ADCY7: variants seen among roughly 807,000 people sequenced by gnomAD.
ADCY7 encodes adenylate cyclase type 7.
ADCY7 carries 72 observed loss-of-function variants against 120.6 expected under a neutral mutation model. The observed-to-expected ratio is 0.60, with a 90% CI of 0.49 to 0.73. The LOEUF (loss-of-function observed/expected upper bound fraction) is 0.73. Among genes scored for constraint, ADCY7 ranks in the 30% least tolerant of loss-of-function variants. ADCY7 has a pLI of 0.00. For synonymous variants in ADCY7, 661 were observed against 628.0 expected, an observed-to-expected ratio of 1.05 and a Z score of -0.78; for missense variants, 1,227 against 1,486.0, an observed-to-expected ratio of 0.83 and a Z score of 2.87.
intron 9 of ADCY7, 60 bp downstream of exon 9, chr16:50,300,933 T>G (rs1596949221): frequency 6.5e-7 from 1 of 1,537,768 alleles, no homozygotes; most frequent in Non-Finnish European, 8.8e-7. Flanking sequence ...GGATGGAGGG[T>G]TCTGCGGTTG....
intron 1 of ADCY7, among the ~76,000 whole-genome samples, chr16:50,286,060 G>A (rs550537579): frequency 1.1e-4 from 17 of 152,150 alleles, no homozygotes; most frequent in African/African-American, 3.9e-4. Flanking sequence ...TGTGAAGCAC[G>A]GCTTGCAGAC....
At chr16:50,256,015 C>T (rs1469049035) in intron 1 of ADCY7, among the ~76,000 whole-genome samples, 1 of 53,504 alleles carries the variant, frequency 1.9e-5, no homozygotes, top group African/African-American at 7.0e-5. Flanking sequence ...TGATACTGGT[C>T]TGGGCAATTA....
At chr16:50,250,979 A>G (rs965173180) in intron 1 of ADCY7, among the ~76,000 whole-genome samples, 1 of 152,160 alleles carries the variant, frequency 6.6e-6, no homozygotes, top group Non-Finnish European at 1.5e-5. Context: ...TTACACCTGT[A>G]ATCCCAGCAC....
intron 15 of ADCY7, 136 bp downstream of exon 15, chr16:50,307,283 TG>T: frequency 2.7e-6 from 2 of 728,224 alleles, no homozygotes; most frequent in South Asian, 3.5e-5. Flanking sequence ...GACCAGGGGC[TG>T]TGGCAGCACA....
rs2035664496 is a variant in ADCY7 at position 50,300,809 on chromosome 16, C to T, written c.1171C>T (p.Gln391Ter). The T allele has an allele frequency of 6.4e-7, 1 of 1,556,318 alleles. No individual in the cohort carries two copies. The highest frequency in any genetic ancestry group is 8.7e-7 in the Non-Finnish European group (1 of 1,149,696). Reference protein sequence around the residue: ...LCGVIGLRKWQYDVWSHDVSL... With the variant: ...LCGVIGLRKW ...CGGGGTCATCGGGCTGCGCAAGTGG[C>T]AGTATGACGTGTGGTCCCACGACGT... Residue 391 changes from glutamine (Q) to a stop codon, truncating the protein, a stop_gained, in exon 9 of 26, where the codon CAG becomes TAG. Coordinates refer to ENST00000673801, the MANE Select transcript of ADCY7 (RefSeq NM_001114.5). LOFTEE classifies it high-confidence loss of function.
intron 1 of ADCY7, among the ~76,000 whole-genome samples, chr16:50,268,294 G>T (rs1007469031): frequency 6.6e-6 from 1 of 152,004 alleles, no homozygotes; most frequent in Non-Finnish European, 1.5e-5. Context: ...AAGTAAAGAC[G>T]GGGTTTCACC....
intron 22 of ADCY7, 167 bp downstream of exon 22, chr16:50,313,203 G>A (rs902590641): frequency 1.2e-6 from 1 of 854,382 alleles, no homozygotes; most frequent in Admixed American, 3.0e-5. Flanking sequence ...GATCACTTGA[G>A]GCTAGGAGTT....
chr16:50,310,457 C>G (rs1458303529), intron 18 of ADCY7: 1 of 1,536,186 alleles, frequency 6.5e-7, no homozygotes, highest in Admixed American at 2.0e-5. Context: ...TCCACAGCAC[C>G]TGCATACTGT....
In ADCY7 at chr16:50,261,047, C is replaced by A. The variant is rs543299486; in HGVS notation, c.-64+14844C>A. 2.0e-5 allele frequency among the ~76,000 whole-genome samples: 3 copies of A among 152,310 alleles called. No homozygotes were observed. The East Asian group carries it at 5.8e-4, about 29-fold the overall frequency. On this transcript the variant is annotated intron_variant, in intron 1 of 4. Transcript: ENST00000564044. Reference sequence around the variant, plus strand: ...GTGGCTCGTAGCTCACACCTACTGCCAAGTGAATGAGAACACTTTCCCACA... The same window carrying A: ...GTGGCTCGTAGCTCACACCTACTGCAAAGTGAATGAGAACACTTTCCCACA...
At chr16:50,282,999 G>C (rs955484638) in intron 1 of ADCY7, among the ~76,000 whole-genome samples, 3 of 152,150 alleles carry the variant, frequency 2.0e-5, no homozygotes, top group Non-Finnish European at 4.4e-5. Flanking sequence ...GTGATGGAGG[G>C]ATGAGCGGGG....
intron 21 of ADCY7, 116 bp from the exon 22 acceptor site, chr16:50,312,774 A>G: frequency 5.2e-6 from 3 of 581,910 alleles, no homozygotes; most frequent in Non-Finnish European, 8.0e-6. Context: ...CCCCCTCCCC[A>G]CTCCCCGAAA....
In ADCY7 at chr16:50,288,135, G is replaced by A; in HGVS notation, c.-45G>A. 1 of 1,507,816 alleles carries A rather than the reference G, an allele frequency of 6.6e-7. No homozygotes were observed. The highest frequency in any genetic ancestry group is 8.9e-7 in the Non-Finnish European group (1 of 1,123,268). 93.4% of individuals were successfully genotyped at this position (1,507,816 alleles called of 1,614,324 possible). A position where few individuals can be genotyped will look rare whatever the true frequency, so the allele number is the denominator to read the frequency against. ...AGACAGATGCCCTCCAGGCCCTGGG[G>A]CCTCCTTAACGGCCCCTTAACGACA... On this transcript the variant is annotated 5_prime_UTR_variant, in exon 2 of 26. Coordinates refer to ENST00000673801, the MANE Select transcript of ADCY7 (RefSeq NM_001114.5).
chr16:50,283,532 T>C (rs2034404195), intron 1 of ADCY7, among the ~76,000 whole-genome samples: 1 of 152,254 alleles, frequency 6.6e-6, no homozygotes, highest in Non-Finnish European at 1.5e-5. Flanking sequence ...ACTGGGGTCA[T>C]GTGGCCCATG....
chr16:50,263,987 G>A (rs2033125614), upstream of ADCY7, among the ~76,000 whole-genome samples: 2 of 152,196 alleles, frequency 1.3e-5, no homozygotes, highest in Middle Eastern at 3.4e-3. Context: ...AAAAATGGAC[G>A]GGTAATTTAC....
Position 50,304,938 on chromosome 16 carries a change from G to A in ADCY7, c.1574G>A (p.Arg525His), listed in dbSNP as rs536468800. The change falls in exon 12 of 26, where the codon CGC becomes CAC. Residue 525 changes from arginine to histidine, a missense_variant. Arg to His is a conservative substitution (Grantham distance 29). Coordinates refer to ENST00000673801, the MANE Select transcript of ADCY7 (RefSeq NM_001114.5). ...CTTCCCTTTCAGAGCGTTCCCCAGC[G>A]CCACCGCCGGACCCCAGACAGGTGC... Reference protein sequence around the residue: ...NGRRPKSVPQRHRRTPDRSMS... With the variant: ...NGRRPKSVPQHHRRTPDRSMS... 4.0e-5 allele frequency: 65 copies of A among 1,613,476 alleles called. No homozygotes were observed. The highest frequency in any genetic ancestry group is 3.3e-4 in the South Asian group (30 of 91,082).
rs2036755652 is a variant in ADCY7, at chr16:50,315,414, G to A, written c.3152G>A (p.Arg1051His). Residue 1051 changes from arginine (R) to histidine (H), a missense_variant, in exon 26 of 26, where the codon CGT becomes CAT. This residue lies in a region of ADCY7 where 244 missense variants were observed against 332.8 expected (regional missense o/e 0.73). Transcript: ENST00000673801. Reference sequence around the variant, plus strand: ...GGCCTCGGGTACTCTTGTGAATGCCGTGGCCTGATCAACGTCAAAGGCAAA... The same window carrying A: ...GGCCTCGGGTACTCTTGTGAATGCCATGGCCTGATCAACGTCAAAGGCAAA... ...LQGLGYSCEC[R>H]GLINVKGKGE... The A allele has an allele frequency of 6.2e-7, 1 of 1,614,140 alleles. No individual in the cohort carries two copies. The highest frequency in any genetic ancestry group is 8.5e-7 in the Non-Finnish European group (1 of 1,179,990).
At chr16:50,254,831 CAAAAG>C (rs1448376207) in intron 1 of ADCY7, among the ~76,000 whole-genome samples, 1 of 46,442 alleles carries the variant, frequency 2.2e-5, no homozygotes. Context: ...CCTGCCAAAA[CAAAAG>C]AAAAAACAAT....
chr16:50,261,855 C>T (rs537899269), upstream of ADCY7, among the ~76,000 whole-genome samples: 29 of 152,324 alleles, frequency 1.9e-4, no homozygotes, highest in Middle Eastern at 0.01. Flanking sequence ...TGCTCAGACC[C>T]TCCCAGGGCT....
chr16:50,311,825 C>A, intron 20 of ADCY7, 39 bp downstream of exon 20: 1 of 1,385,284 alleles, frequency 7.2e-7, no homozygotes, highest in Non-Finnish European at 1.0e-6. Context: ...CAAGCTCTGC[C>A]CACTTTTCCT....
Sources: gnomAD v4.1 joint callset for allele counts (sites outside exome capture counted in the v4.1 genomes callset) on GRCh38, gnomAD v4.1.1 for gene constraint, gnomAD v4.1.1 regional missense constraint, MANE v1.5 for transcripts, NCBI Gene and HGNC (gene_info 2026-07-23, HGNC 2026-07-21) for gene names.